The following GPNMB variants were observed in gnomAD, a reference collection of about 807,000 sequenced individuals.
GPNMB encodes glycoprotein nmb.
Under a neutral mutation model 57.3 loss-of-function variants are expected in GPNMB, and 71 were observed. The ratio of observed to expected loss-of-function variants is 1.24; its 90% CI spans 1.02 to 1.51. The LOEUF (loss-of-function observed/expected upper bound fraction) is 1.51. Ranked by LOEUF, GPNMB falls within the 40% of genes most tolerant of loss-of-function variation. The probability of loss-of-function intolerance (pLI) is 0.00; values close to 1 mark genes in which losing one functional copy is unlikely to be tolerated. For missense variants in GPNMB, 677 were observed against 691.9 expected, an observed-to-expected ratio of 0.98 and a Z score of 0.24; for synonymous variants, 253 against 263.2, an observed-to-expected ratio of 0.96 and a Z score of 0.38.
Position 23,270,118 on chromosome 7 carries a change from C to T in GPNMB, c.1372C>T (p.Leu458=), listed in dbSNP as rs761436273. 1.9e-6 allele frequency: 3 copies of T among 1,614,040 alleles called. No homozygotes were observed. The African/African-American group carries it at 4.0e-5, about 22-fold the overall frequency. ...TGGGACGTACTGTGTGAACCTCACC[C>T]TGGGGGATGACACAAGCCTGGCTCT... The part of the protein sequence containing the change: ...GSGTYCVNLT[L]GDDTSLALTS... The change falls in exon 9 of 11, where the codon CTG becomes TTG. Residue 458 remains leucine, a synonymous_variant. Transcript: ENST00000258733.
intron 6 of GPNMB, among the ~76,000 whole-genome samples, chr7:23,261,765 G>A (rs539477917): frequency 3.3e-5 from 5 of 151,962 alleles, no homozygotes; most frequent in Admixed American, 2.0e-4. Context: ...ATGTACCCTA[G>A]AACTTAAAGT....
chr7:23,261,038 T>C (rs75405258), intron 6 of GPNMB, among the ~76,000 whole-genome samples: 5,824 of 152,294 alleles, frequency 0.038, 333 homozygotes, highest in African/African-American at 0.13. Context: ...TTTGCACTGG[T>C]CCCTGCTATG....
rs777220414 is a variant in GPNMB, at chr7:23,260,733, G to GCCA, written c.987_989dup (p.Pro330dup). 4.0e-5 allele frequency: 63 copies of GCCA among 1,588,256 alleles called. No individual in the cohort carries two copies. Among genetic ancestry groups the GCCA allele is most frequent in the Admixed American group, 6.9e-5 (4 of 57,946 alleles). ...CAGCACCAGGACCTTGTCCGCCACC[G>GCCA]CCACCACCACCCAGACCTTCAAAAC... On this transcript the variant is annotated inframe_insertion, in exon 6 of 11. Coordinates refer to ENST00000258733, the MANE Select transcript of GPNMB (RefSeq NM_002510.3).
chr7:23,257,154 A>T, intron 4 of GPNMB, 89 bp downstream of exon 4: 2 of 1,137,912 alleles, frequency 1.8e-6, no homozygotes, highest in Non-Finnish European at 2.7e-6. Context: ...GAGAATGATA[A>T]CACAGAGAGT....
chr7:23,257,671 C>T (rs1333452136), intron 4 of GPNMB: 1 of 152,168 alleles, frequency 6.6e-6, no homozygotes, highest in African/African-American at 2.4e-5. Context: ...GACTCCATCT[C>T]GAAAAACAAA....
chr7:23,272,041 G>A (rs896096505), intron 9 of GPNMB, among the ~76,000 whole-genome samples: 4 of 152,130 alleles, frequency 2.6e-5, no homozygotes, highest in Admixed American at 6.5e-5. Flanking sequence ...GTGGAGAGCC[G>A]GGGAGGGTGG....
At chr7:23,272,846 C>CTTTTTTTTTTTTTTTTTTTTT (rs34346503) in intron 9 of GPNMB, among the ~76,000 whole-genome samples, 2 of 139,636 alleles carry the variant, frequency 1.4e-5, no homozygotes, top group African/African-American at 5.5e-5. Flanking sequence ...AGGTGGTGAT[C>CTTTTTTTTTTTTTTTTTTTTT]TTTTTTTTTT....
In GPNMB at chr7:23,269,986, A is replaced by T; in HGVS notation, c.1240A>T (p.Thr414Ser). 1 of 1,613,876 alleles carries T rather than the reference A, an allele frequency of 6.2e-7. No individual in the cohort carries two copies. Among genetic ancestry groups the T allele is most frequent in the Non-Finnish European group, 8.5e-7 (1 of 1,179,930 alleles). The change falls in exon 9 of 11, where the codon ACC becomes TCC. Residue 414 changes from threonine (T) to serine (S), a missense_variant. Coordinates refer to ENST00000258733, the MANE Select transcript of GPNMB (RefSeq NM_002510.3). Reference sequence around the variant, plus strand: ...TCGCAGCATTCCCACGGAGGTCTGTACCATCATTTCTGACCCCACCTGCGA... The same window carrying T: ...TCGCAGCATTCCCACGGAGGTCTGTTCCATCATTTCTGACCCCACCTGCGA... ...CQGSIPTEVC[T>S]IISDPTCEIT...
At position 23,254,292 on chromosome 7, in the gene GPNMB, A is replaced by G. The variant is rs1782727363; in HGVS notation, c.347A>G (p.Tyr116Cys). ...GAAGATGCCAATGGCAACATAGTCTATGAGAAGAACTGCAGAAATGGTAAG... is the reference window on the plus strand; with the variant it reads ...GAAGATGCCAATGGCAACATAGTCTGTGAGAAGAACTGCAGAAATGGTAAG... The part of the protein sequence containing the change: ...QKEDANGNIV[Y>C]EKNCRNEAGL... Residue 116 changes from tyrosine to cysteine, a missense_variant, in exon 3 of 11, where the codon TAT becomes TGT. Physicochemically the swap from Tyr to Cys is radical, Grantham distance 194. Transcript: ENST00000258733. The G allele has an allele frequency of 1.9e-6, 3 of 1,613,528 alleles. No individual in the cohort carries two copies. Among genetic ancestry groups the G allele is most frequent in the South Asian group, 2.2e-5 (2 of 91,048 alleles).
At chr7:23,258,972 G>T (rs1487143520) in intron 4 of GPNMB, among the ~76,000 whole-genome samples, 2 of 152,238 alleles carry the variant, frequency 1.3e-5, no homozygotes, top group African/African-American at 2.4e-5. Flanking sequence ...AAAAGTTCTT[G>T]ATTTGGGAAT....
chr7:23,270,479 T>G (rs544017663), intron 9 of GPNMB, among the ~76,000 whole-genome samples: 3 of 152,144 alleles, frequency 2.0e-5, no homozygotes, highest in African/African-American at 7.2e-5. Flanking sequence ...TAGATTTGTA[T>G]TTCAAGGAGA....
At chr7:23,258,022 A>C (rs993338139) in intron 4 of GPNMB, 2 of 152,214 alleles carry the variant, frequency 1.3e-5, no homozygotes, top group African/African-American at 4.8e-5. Flanking sequence ...TGTACAAATA[A>C]AATAACTACT....
chr7:23,254,955 G>A (rs1245685880), intron 3 of GPNMB, among the ~76,000 whole-genome samples: 4 of 152,094 alleles, frequency 2.6e-5, no homozygotes, highest in Non-Finnish European at 4.4e-5. Context: ...TGTATCACCT[G>A]AGGTCAGGAG....
chr7:23,273,945 A>G, intron 10 of GPNMB, 120 bp from the exon 11 acceptor site: 2 of 749,538 alleles, frequency 2.7e-6, no homozygotes, highest in South Asian at 1.9e-5. Context: ...GTGTCTTGCA[A>G]ACTGTCAATC....
At position 23,260,447 on chromosome 7, in the gene GPNMB, A is replaced by G. The variant is rs1277282740; in HGVS notation, c.701-9A>G. On this transcript the variant is annotated splice_polypyrimidine_tract_variant and intron_variant, in intron 5 of 10. Coordinates refer to ENST00000258733, the MANE Select transcript of GPNMB (RefSeq NM_002510.3). ...CATTCTTTATTTCTTTGGGGGATGT[A>G]TCTTTTAGATCAGATTCCTGTGTTT... is the stretch of plus-strand genomic sequence containing the variant. The G allele has an allele frequency of 6.3e-7, 1 of 1,594,288 alleles. No individual in the cohort carries two copies. Among genetic ancestry groups the G allele is most frequent in the Non-Finnish European group, 8.6e-7 (1 of 1,166,400 alleles).
intron 1 of GPNMB, among the ~76,000 whole-genome samples, chr7:23,248,735 C>G (rs547111701): frequency 1.3e-5 from 2 of 152,022 alleles, no homozygotes; most frequent in East Asian, 3.9e-4. Flanking sequence ...AACCCACCCC[C>G]ACAGGCTTTT....
chr7:23,268,164 C>T (rs949861304), intron 8 of GPNMB, among the ~76,000 whole-genome samples, 176 bp downstream of exon 8: 2 of 152,160 alleles, frequency 1.3e-5, no homozygotes, highest in African/African-American at 2.4e-5. Flanking sequence ...ATCAAGCACA[C>T]ACATGTTTTG....
intron 8 of GPNMB, among the ~76,000 whole-genome samples, chr7:23,269,617 C>T (rs910236283): frequency 6.6e-6 from 1 of 152,214 alleles, no homozygotes; most frequent in Non-Finnish European, 1.5e-5. Flanking sequence ...GCCTAACACC[C>T]AAGCTATCTG....
intron 3 of GPNMB, 69 bp from the exon 4 acceptor site, chr7:23,256,823 C>A: frequency 8.0e-7 from 1 of 1,255,528 alleles, no homozygotes; most frequent in Non-Finnish European, 1.1e-6. Context: ...GTGTTTAATT[C>A]AGTGATGCAT....
Sources: allele counts gnomAD v4.1 joint callset (sites outside exome capture counted in the v4.1 genomes callset), GRCh38; gene constraint gnomAD v4.1.1; transcripts MANE v1.5; gene names NCBI Gene and HGNC (gene_info 2026-07-23, HGNC 2026-07-21).